EHBP1: variants seen among roughly 807,000 people sequenced by gnomAD.
The protein encoded by EHBP1 is EH domain-binding protein 1.
In EHBP1, 55 loss-of-function variants were observed where a neutral mutation model predicts 144.0. The ratio of observed to expected loss-of-function variants is 0.38; its 90% CI spans 0.31 to 0.48. The LOEUF (loss-of-function observed/expected upper bound fraction) is 0.48, where lower values mean the gene tolerates loss of function less well. EHBP1 is among the 20% of genes least tolerant of loss of function. The pLI, the probability that EHBP1 is intolerant of heterozygous loss-of-function variation, is 0.98. For missense variants in EHBP1, 1,200 were observed against 1,364.2 expected (o/e 0.88, Z 1.90); for synonymous variants, 469 against 472.7 (o/e 0.99, Z 0.10).
chr2:62,732,395 T>C (rs1382808908), intron 2 of EHBP1, among the ~76,000 whole-genome samples: 3 of 152,180 alleles, frequency 2.0e-5, no homozygotes, highest in Non-Finnish European at 2.9e-5. Flanking sequence ...ACGGTTTGGA[T>C]CTGTGTCCCC....
intron 2 of EHBP1, among the ~76,000 whole-genome samples, chr2:62,734,044 G>A (rs62179277): frequency 0.13 from 20,471 of 152,082 alleles, 1,732 homozygotes; most frequent in Admixed American, 0.19. Flanking sequence ...TTTTTATGTT[G>A]TGGGGCTATA....
In EHBP1 at chr2:62,846,327, T is replaced by C. The variant is rs569077997; in HGVS notation, c.635-12842T>C. Among the ~76,000 whole-genome samples, 7 of 152,286 alleles carry C rather than the reference T, an allele frequency of 4.6e-5. No individual in the cohort carries two copies. The East Asian group carries it at 1.4e-3, about 29-fold the overall frequency. ...GCCAGAAGGCAATTAATATTCAAAGTACCTATATGAGTTCACTAAGGATTT... is the reference window on the plus strand; with the variant it reads ...GCCAGAAGGCAATTAATATTCAAAGCACCTATATGAGTTCACTAAGGATTT... On this transcript the variant is annotated intron_variant, in intron 7 of 22. Coordinates refer to ENST00000431489, the MANE Select transcript of EHBP1 (RefSeq NM_001142616.3).
intron 3 of EHBP1, among the ~76,000 whole-genome samples, chr2:62,754,609 G>A (rs1469379657): frequency 6.6e-6 from 1 of 152,198 alleles, no homozygotes; most frequent in Non-Finnish European, 1.5e-5. Flanking sequence ...ACAGAGGCAG[G>A]CAGGCCTCCT....
intron 21 of EHBP1, chr2:63,044,730 C>G (rs1171913086): frequency 5.3e-6 from 1 of 188,084 alleles, no homozygotes; most frequent in African/African-American, 2.3e-5. Context: ...CCACTACCAA[C>G]CCCTGGGCCA....
At chr2:62,749,784 T>C (rs1260997758) in intron 3 of EHBP1, among the ~76,000 whole-genome samples, 1 of 152,220 alleles carries the variant, frequency 6.6e-6, no homozygotes, top group Middle Eastern at 3.2e-3. Context: ...ATGTCTTCTT[T>C]TGAGAAGTGT....
chr2:62,857,093 C>T (rs1422739673), intron 7 of EHBP1, among the ~76,000 whole-genome samples: 1 of 152,128 alleles, frequency 6.6e-6, no homozygotes, highest in Non-Finnish European at 1.5e-5. Flanking sequence ...AAATTCTTCC[C>T]TATAGGCTCC....
At chr2:62,819,771 C>CA (rs538451712) in intron 5 of EHBP1, among the ~76,000 whole-genome samples, 18,277 of 122,168 alleles carry the variant, frequency 0.15, 1,545 homozygotes, top group Middle Eastern at 0.21. Flanking sequence ...CTCAAAAAAA[C>CA]AAAAAAAAAA....
In EHBP1 at chr2:62,874,450, C is replaced by G. The variant is rs932412046; in HGVS notation, c.1103C>G (p.Ala368Gly). 6.2e-7 allele frequency: 1 copy of G among 1,613,602 alleles called. No individual in the cohort carries two copies. The highest frequency in any genetic ancestry group is 8.5e-7 in the Non-Finnish European group (1 of 1,179,764). Reference protein sequence around the residue: ...TERRVKRKAPAPPVLSPKTGV... With the variant: ...TERRVKRKAPGPPVLSPKTGV... Reference sequence around the variant, plus strand: ...AGGCGAGTGAAAAGAAAGGCCCCGGCTCCACCAGTCCTCTCACCAAAAACA... The same window carrying G: ...AGGCGAGTGAAAAGAAAGGCCCCGGGTCCACCAGTCCTCTCACCAAAAACA... Residue 368 changes from alanine to glycine, a missense_variant, in exon 10 of 23, where the codon GCT becomes GGT. Around this residue, in one of 6 missense-constraint regions of EHBP1, gnomAD observed 266 missense variants for 262.4 expected, o/e 1.01. Coordinates refer to ENST00000431489, the MANE Select transcript of EHBP1 (RefSeq NM_001142616.3).
intron 5 of EHBP1, among the ~76,000 whole-genome samples, chr2:62,791,273 T>A (rs183679534): frequency 6.6e-6 from 1 of 152,090 alleles, no homozygotes; most frequent in Admixed American, 6.5e-5. Context: ...TTGAATTTTT[T>A]AAAGAAAAAA....
At chr2:63,006,032 C>G (rs949463647) in intron 19 of EHBP1, among the ~76,000 whole-genome samples, 2 of 151,882 alleles carry the variant, frequency 1.3e-5, no homozygotes, top group African/African-American at 4.8e-5. Flanking sequence ...TTAAAACTGC[C>G]TTAAGGAAGC....
intron 1 of EHBP1, among the ~76,000 whole-genome samples, chr2:62,676,964 A>G (rs973311122): frequency 6.6e-6 from 1 of 152,218 alleles, no homozygotes; most frequent in Non-Finnish European, 1.5e-5. Flanking sequence ...GGAGTTCAAG[A>G]CTAACCTGGG....
chr2:62,857,801 T>C (rs918766069), intron 7 of EHBP1, among the ~76,000 whole-genome samples: 1 of 152,088 alleles, frequency 6.6e-6, no homozygotes, highest in Non-Finnish European at 1.5e-5. Context: ...TTTTATTGTT[T>C]TTATTATAAG....
At chr2:62,927,466 C>G (rs2055610655) in intron 10 of EHBP1, among the ~76,000 whole-genome samples, 1 of 152,146 alleles carries the variant, frequency 6.6e-6, no homozygotes, top group African/African-American at 2.4e-5. Context: ...CCATGTTCCC[C>G]TTGAAAATAA....
chr2:62,764,212 C>T, intron 3 of EHBP1, 54 bp from the exon 4 acceptor site: 2 of 1,248,456 alleles, frequency 1.6e-6, no homozygotes, highest in Non-Finnish European at 2.2e-6. Flanking sequence ...TGGTAAATTA[C>T]TAACATTGCA....
At chr2:62,847,952 A>G (rs1237438612) in intron 7 of EHBP1, among the ~76,000 whole-genome samples, 5 of 152,150 alleles carry the variant, frequency 3.3e-5, no homozygotes, top group East Asian at 1.9e-4. Context: ...ATACAACTCT[A>G]TATCTACTAG....
At chr2:62,832,825 A>G (rs1192021763) in intron 7 of EHBP1, among the ~76,000 whole-genome samples, 1 of 152,148 alleles carries the variant, frequency 6.6e-6, no homozygotes, top group Non-Finnish European at 1.5e-5. Context: ...GCCAGTTAAT[A>G]ACCCTGCAAT....
chr2:63,000,091 TG>T (rs1452178389), intron 19 of EHBP1, among the ~76,000 whole-genome samples: 1 of 152,096 alleles, frequency 6.6e-6, no homozygotes, highest in East Asian at 1.9e-4. Context: ...ACTTACATCC[TG>T]GGGGGAGGCA....
chr2:62,954,325 C>T (rs1473782735), intron 13 of EHBP1, among the ~76,000 whole-genome samples: 2 of 152,188 alleles, frequency 1.3e-5, no homozygotes, highest in Non-Finnish European at 2.9e-5. Flanking sequence ...GTTTTTGAGA[C>T]ACTGTTGATA....
At chr2:63,030,789 CTTTTTTTTTTTTT>C (rs1226186842) in intron 19 of EHBP1, among the ~76,000 whole-genome samples, 2 of 85,102 alleles carry the variant, frequency 2.4e-5, no homozygotes, top group East Asian at 7.9e-4. Context: ...GCACACCCAG[CTTTTTTTTTTTTT>C]TTTTTTTTTT....
Sources: allele counts gnomAD v4.1 joint callset (sites outside exome capture counted in the v4.1 genomes callset), GRCh38; gene constraint gnomAD v4.1.1; regional missense constraint gnomAD v4.1.1; transcripts MANE v1.5; gene names NCBI Gene and HGNC (gene_info 2026-07-23, HGNC 2026-07-21).